The following CTSF variants were observed in gnomAD, a reference collection of about 807,000 sequenced individuals.
The protein encoded by CTSF is cathepsin F.
A neutral mutation model predicts 63.5 loss-of-function variants in CTSF; 65 were observed. The ratio of observed to expected loss-of-function variants is 1.02; its 90% CI spans 0.84 to 1.26. The LOEUF (loss-of-function observed/expected upper bound fraction) is 1.26. CTSF is among the 50% of genes most tolerant of loss of function. The probability of loss-of-function intolerance (pLI) is 0.00; values close to 1 mark genes in which losing one functional copy is unlikely to be tolerated. For missense variants in CTSF, 641 were observed against 631.0 expected (o/e 1.02, Z -0.17); for synonymous variants, 256 against 258.1 (o/e 0.99, Z 0.08).
At position 66,568,355 on chromosome 11, in the gene CTSF, G is replaced by T. The variant is rs1324058013; in HGVS notation, c.132C>A (p.Arg44=). Reference sequence around the variant, plus strand: ...CGCGGTTGAACATCTCCAGCGCGAAGCGGGTGGGCGCCAGCAGCTCCGGGG... The same window carrying T: ...CGCGGTTGAACATCTCCAGCGCGAATCGGGTGGGCGCCAGCAGCTCCGGGG... ...PPSPELLAPT[R]FALEMFNRGR... The change falls in exon 1 of 13, where the codon CGC becomes CGA. Residue 44 remains arginine (R), a synonymous_variant. Transcript: ENST00000310325. 22 of 1,305,578 alleles carry T rather than the reference G, an allele frequency of 1.7e-5. No individual in the cohort carries two copies. The highest frequency in any genetic ancestry group is 2.1e-5 in the Non-Finnish European group (22 of 1,035,852). 80.9% of individuals were successfully genotyped at this position (1,305,578 alleles called of 1,614,324 possible).
At chr11:66,564,707 G>C (rs1449280920) in intron 10 of CTSF, 35 bp downstream of exon 10, 1 of 1,613,328 alleles carries the variant, frequency 6.2e-7, no homozygotes, top group African/African-American at 1.3e-5. Flanking sequence ...AGGTCAACAA[G>C]AGATGGGGCA....
intron 8 of CTSF, 40 bp from the exon 9 acceptor site, chr11:66,565,046 CATT>C (rs1257993635): frequency 1.1e-5 from 16 of 1,518,736 alleles, no homozygotes; most frequent in Non-Finnish European, 1.4e-5. Flanking sequence ...GGCAGGCTCC[CATT>C]TGCCATTCAC....
At position 66,568,052 on chromosome 11, in the gene CTSF, C is replaced by T; in HGVS notation, c.244G>A (p.Ala82Thr). ...TTGCAGGGTGGCTCCTCCAGGGTGG[C>T]CTCCAGGGAGTACAGCGACCCCTGA... ...AGQGSLYSLEATLEEPPCNDP... is the reference protein window; with the variant it reads ...AGQGSLYSLETTLEEPPCNDP... Residue 82 changes from alanine to threonine, a missense_variant, in exon 2 of 13, where the codon GCC becomes ACC. Coordinates refer to ENST00000310325, the MANE Select transcript of CTSF (RefSeq NM_003793.4). 1 of 1,604,246 alleles carries T rather than the reference C, an allele frequency of 6.2e-7. No homozygotes were observed. Among genetic ancestry groups the T allele is most frequent in the Non-Finnish European group, 8.5e-7 (1 of 1,176,610 alleles).
In CTSF at chr11:66,563,913, C is replaced by G; in HGVS notation, c.*20G>C. 1 of 1,611,588 alleles carries G rather than the reference C, an allele frequency of 6.2e-7. No homozygotes were observed. On this transcript the variant is annotated 3_prime_UTR_variant, in exon 13 of 13. Coordinates refer to ENST00000310325, the MANE Select transcript of CTSF (RefSeq NM_003793.4). ...GCAGCCACTCTGATCAGCACCAGGT[C>G]CCGAGCTGGGGGCCCCTCTTCAGTC...
chr11:66,568,263 C>G lies in CTSF; in HGVS notation c.213+11G>C. 6.6e-7 allele frequency: 1 copy of G among 1,511,238 alleles called. No individual in the cohort carries two copies. The highest frequency in any genetic ancestry group is 1.2e-5 in the South Asian group (1 of 82,526). The allele number at this position is 1,511,238 out of a possible 1,614,324, so 93.6% of individuals were successfully genotyped here. A position where few individuals can be genotyped will look rare whatever the true frequency, so the allele number is the denominator to read the frequency against. On this transcript the variant is annotated intron_variant, in intron 1 of 12. Transcript: ENST00000310325. ...CCGGGCCTGGCGCCCCCGCCCCCGG[C>G]GCGTCCTCACCCGGCGGACGCGGCC...
At chr11:66,565,072 A>C (rs953257360) in intron 8 of CTSF, 66 bp from the exon 9 acceptor site, 26 of 1,512,846 alleles carry the variant, frequency 1.7e-5, no homozygotes, top group Non-Finnish European at 2.1e-5. Context: ...CCAGAAATGA[A>C]CTAAGCCCTC....
At position 66,568,446 on chromosome 11, in the gene CTSF, A is replaced by G. The variant is rs1857986988; in HGVS notation, c.41T>C (p.Leu14Pro). 9 of 1,399,244 alleles carry G rather than the reference A, an allele frequency of 6.4e-6. No individual in the cohort carries two copies. Among genetic ancestry groups the G allele is most frequent in the East Asian group, 3.1e-5 (1 of 32,704 alleles). The allele number at this position is 1,399,244 out of a possible 1,614,324, so 86.7% of individuals were successfully genotyped here. ...WLQLLSLLGL[L>P]PGAVAAPAQP... The stretch of plus-strand genomic sequence containing the variant: ...GGCGGGGGCGGCCACTGCGCCCGGG[A>G]GCAGCCCCAGCAGCGACAGGAGCTG... The change falls in exon 1 of 13, where the codon CTC becomes CCC. Residue 14 changes from leucine to proline, a missense_variant. Coordinates refer to ENST00000310325, the MANE Select transcript of CTSF (RefSeq NM_003793.4).
intron 4 of CTSF, among the ~76,000 whole-genome samples, chr11:66,566,709 G>A (rs1037763820): frequency 6.6e-6 from 1 of 151,832 alleles, no homozygotes; most frequent in Admixed American, 6.6e-5. Flanking sequence ...CTGCCAGAGT[G>A]ATGGAGATGC....
chr11:66,567,821 T>C, intron 2 of CTSF, 159 bp from the exon 3 acceptor site: 1 of 1,355,906 alleles, frequency 7.4e-7, no homozygotes, highest in Non-Finnish European at 9.9e-7. Context: ...CGGGGCATCC[T>C]CCCCTTCATA....
intron 11 of CTSF, 54 bp downstream of exon 11, chr11:66,564,504 G>T: frequency 6.9e-7 from 1 of 1,448,676 alleles, no homozygotes; most frequent in Non-Finnish European, 9.3e-7. Context: ...GAGATGCTGT[G>T]ATCCCACCCC....
rs1857953771 is a variant in CTSF, at chr11:66,567,334, A to G, written c.532-13T>C. 1 of 1,614,180 alleles carries G rather than the reference A, an allele frequency of 6.2e-7. No individual in the cohort carries two copies. On this transcript the variant is annotated splice_polypyrimidine_tract_variant and intron_variant, in intron 3 of 12. Coordinates refer to ENST00000310325, the MANE Select transcript of CTSF (RefSeq NM_003793.4). The stretch of plus-strand genomic sequence containing the variant: ...TCACAGGCAAGTCCTGGATAGGCAG[A>G]CCAGTCTTTAGGCTGACCAGAGAAA...
rs749409137 is a variant in CTSF, at chr11:66,563,857, G to T, written c.*76C>A. On this transcript the variant is annotated 3_prime_UTR_variant, in exon 13 of 13. Transcript: ENST00000310325. The stretch of plus-strand genomic sequence containing the variant: ...CCCTCTGCCAGCTGTACCTCCCGGG[G>T]AGGGGCCTGGACACATGTCAGGCTG... 67 of 1,571,422 alleles carry T rather than the reference G, an allele frequency of 4.3e-5. No individual in the cohort carries two copies. Among genetic ancestry groups the T allele is most frequent in the Non-Finnish European group, 5.7e-5 (66 of 1,150,980 alleles).
intron 8 of CTSF, 76 bp downstream of exon 8, chr11:66,565,595 C>A: frequency 6.4e-7 from 1 of 1,572,264 alleles, no homozygotes; most frequent in Non-Finnish European, 8.7e-7. Context: ...GCTCATGTCT[C>A]CCCCCCATTA....
chr11:66,564,212 T>C, intron 11 of CTSF, 66 bp from the exon 12 acceptor site: 1 of 1,547,952 alleles, frequency 6.5e-7, no homozygotes, highest in African/African-American at 1.4e-5. Context: ...TTAATCACTT[T>C]GCACCCTTCA....
intron 8 of CTSF, 113 bp from the exon 9 acceptor site, chr11:66,565,119 A>G: frequency 6.8e-7 from 1 of 1,471,438 alleles, no homozygotes; most frequent in Non-Finnish European, 9.0e-7. Context: ...ACCCCAGGCC[A>G]CAGGCCATCC....
chr11:66,567,940 T>C, intron 2 of CTSF, 44 bp downstream of exon 2: 2 of 1,549,128 alleles, frequency 1.3e-6, no homozygotes, highest in African/African-American at 1.4e-5. Flanking sequence ...ACTGCTGCTT[T>C]ACTCGGCCTC....
chr11:66,564,500 C>A, intron 11 of CTSF, 58 bp downstream of exon 11: 1 of 1,425,626 alleles, frequency 7.0e-7, no homozygotes, highest in Non-Finnish European at 9.5e-7. Flanking sequence ...ACCTGAGATG[C>A]TGTGATCCCA....
chr11:66,567,599 G>T lies in CTSF; in HGVS notation c.376C>A (p.Pro126Thr), dbSNP rs1315225783. ...RHVLLRKDCG[P>T]VDTKVPGAGE... ...GCACCTGGAACCTTGGTGTCCACTG[G>T]GCCACAGTCCTTCCGCAGCAGCACG... is the stretch of plus-strand genomic sequence containing the variant. The change falls in exon 3 of 13, where the codon CCA becomes ACA. Residue 126 changes from proline (P) to threonine (T), a missense_variant. By Grantham distance (38) the Pro-to-Thr change is conservative. Transcript: ENST00000310325. 6.2e-7 allele frequency: 1 copy of T among 1,614,064 alleles called. No homozygotes were observed. Among genetic ancestry groups the T allele is most frequent in the Non-Finnish European group, 8.5e-7 (1 of 1,180,048 alleles).
Position 66,568,542 on chromosome 11 carries a change from T to C in CTSF, c.-56A>G. 1 of 1,462,524 alleles carries C rather than the reference T, an allele frequency of 6.8e-7. No homozygotes were observed. The highest frequency in any genetic ancestry group is 9.0e-7 in the Non-Finnish European group (1 of 1,114,508). The allele number at this position is 1,462,524 out of a possible 1,614,324, so 90.6% of individuals were successfully genotyped here. A position where few individuals can be genotyped will look rare whatever the true frequency, so the allele number is the denominator to read the frequency against. On this transcript the variant is annotated 5_prime_UTR_variant, in exon 1 of 13. Coordinates refer to ENST00000310325, the MANE Select transcript of CTSF (RefSeq NM_003793.4). ...ACAGACGCTCCACCGACCCACCGGG[T>C]ACCGAGCCCGCGGCCAGCGGGGCCT...
Sources: allele counts gnomAD v4.1 joint callset (sites outside exome capture counted in the v4.1 genomes callset), GRCh38; gene constraint gnomAD v4.1.1; transcripts MANE v1.5; gene names NCBI Gene and HGNC (gene_info 2026-07-23, HGNC 2026-07-21).